CAMK1D: variants seen among roughly 807,000 people sequenced by gnomAD.
CAMK1D encodes calcium/calmodulin dependent protein kinase ID, also known as calcium/calmodulin-dependent protein kinase type 1D.
A neutral mutation model predicts 47.7 loss-of-function variants in CAMK1D; 9 were observed. That is an observed-to-expected ratio of 0.19 (90% CI 0.11 to 0.33). The LOEUF is 0.33. Ranked by LOEUF, CAMK1D falls within the 10% of genes least tolerant of loss-of-function variation. The probability of loss-of-function intolerance (pLI) is 1.00; values close to 1 mark genes in which losing one functional copy is unlikely to be tolerated. For missense variants in CAMK1D, 291 were observed against 488.7 expected (o/e 0.60, Z 3.81); for synonymous variants, 184 against 184.9 (o/e 0.99, Z 0.04).
rs977832335 is a variant in CAMK1D, at chr10:12,590,316, C to T, written c.224+36960C>T. Among the ~76,000 whole-genome samples, 4 of 152,160 alleles carry T rather than the reference C, an allele frequency of 2.6e-5. 1 individual carries two copies. Among genetic ancestry groups the T allele is most frequent in the African/African-American group, 9.7e-5 (4 of 41,438 alleles). On this transcript the variant is annotated intron_variant, in intron 2 of 10. Coordinates refer to ENST00000619168, the MANE Select transcript of CAMK1D (RefSeq NM_153498.4). ...CACTGCAGCCTCGACCTCCTGGGCT[C>T]AAGCGATCCTCCTACCTCAGCCTTC...
intron 1 of CAMK1D, among the ~76,000 whole-genome samples, chr10:12,490,110 T>C (rs1834338265): frequency 6.6e-6 from 1 of 152,138 alleles, no homozygotes. Context: ...GGGGAAGGTT[T>C]TCCTGGGTGC....
Position 12,462,156 on chromosome 10 carries a change from GTTTTTTTTT to G in CAMK1D, c.93-91050_93-91042del, listed in dbSNP as rs57336292. Among the ~76,000 whole-genome samples the G allele has an allele frequency of 3.4e-3, 272 of 79,646 alleles. 2 individuals are homozygous for G. Among genetic ancestry groups the G allele is most frequent in the African/African-American group, 0.013 (250 of 19,874 alleles). 52.3% of individuals were successfully genotyped at this position (79,646 alleles called of 152,430 possible). ...AATTTGAATTTCTGGCCTATGAAGA[GTTTTTTTTT>G]TTTTTTTTTTTTTTTTTTAGGCAGA... On this transcript the variant is annotated intron_variant, in intron 1 of 10. Coordinates refer to ENST00000619168, the MANE Select transcript of CAMK1D (RefSeq NM_153498.4).
chr10:12,808,535 T>C (rs1232689934), intron 6 of CAMK1D, among the ~76,000 whole-genome samples: 2 of 152,182 alleles, frequency 1.3e-5, no homozygotes, highest in Non-Finnish European at 2.9e-5. Context: ...AGCAGCACTT[T>C]GGGAGGCCGA....
intron 1 of CAMK1D, among the ~76,000 whole-genome samples, chr10:12,383,267 T>G (rs1188610659): frequency 6.6e-6 from 1 of 152,216 alleles, no homozygotes; most frequent in Non-Finnish European, 1.5e-5. Context: ...TCCAATTTTT[T>G]TTTTTGTTGT....
rs1330065739 is a variant in CAMK1D at position 12,375,858 on chromosome 10, A to G, written c.92+25948A>G. On this transcript the variant is annotated intron_variant, in intron 1 of 10. Coordinates refer to ENST00000619168, the MANE Select transcript of CAMK1D (RefSeq NM_153498.4). ...TTTAGGACTTTTGGTCCGTATGCCG[A>G]TTTCTCTAAAACCAGAGCATGCAGC... is the stretch of plus-strand genomic sequence containing the variant. Among the ~76,000 whole-genome samples the G allele has an allele frequency of 5.3e-5, 8 of 151,906 alleles. No individual in the cohort carries two copies. In the East Asian group the frequency reaches 1.5e-3, roughly 29 times the overall value.
chr10:12,401,194 T>A (rs867893724), intron 1 of CAMK1D, among the ~76,000 whole-genome samples: 11 of 38,014 alleles, frequency 2.9e-4, no homozygotes, highest in African/African-American at 1.1e-3. Flanking sequence ...TATATATATT[T>A]TATATATATA....
intron 1 of CAMK1D, among the ~76,000 whole-genome samples, chr10:12,530,562 G>GA (rs1485530559): frequency 1.3e-5 from 2 of 152,178 alleles, no homozygotes; most frequent in African/African-American, 4.8e-5. Context: ...AACCAATGGA[G>GA]AAGTACGAAA....
intron 2 of CAMK1D, among the ~76,000 whole-genome samples, chr10:12,563,410 T>C (rs1837007839): frequency 6.6e-6 from 1 of 152,230 alleles, no homozygotes; most frequent in Admixed American, 6.5e-5. Flanking sequence ...TCTTCTATTC[T>C]GGCTCTCAAT....
chr10:12,511,265 C>A (rs1215456563), intron 1 of CAMK1D, among the ~76,000 whole-genome samples: 2 of 152,072 alleles, frequency 1.3e-5, no homozygotes, highest in Admixed American at 6.5e-5. Flanking sequence ...CAGAGGTTTT[C>A]AACTGTGGCA....
chr10:12,643,360 C>A (rs983288695), intron 2 of CAMK1D, among the ~76,000 whole-genome samples: 6 of 152,168 alleles, frequency 3.9e-5, no homozygotes, highest in African/African-American at 1.4e-4. Flanking sequence ...CAGGGGTCCC[C>A]AACCCCAGAT....
intron 5 of CAMK1D, among the ~76,000 whole-genome samples, chr10:12,784,475 G>A (rs976562109): frequency 1.3e-5 from 2 of 152,122 alleles, no homozygotes; most frequent in African/African-American, 2.4e-5. Flanking sequence ...TGGGATTACA[G>A]GCGTGAGCCA....
intron 6 of CAMK1D, among the ~76,000 whole-genome samples, chr10:12,805,193 A>G (rs1838670929): frequency 1.3e-5 from 2 of 151,080 alleles, no homozygotes; most frequent in African/African-American, 4.9e-5. Flanking sequence ...CAGGAGGTAG[A>G]GGTTGCAGTG....
chr10:12,512,251 G>A (rs1484606685), intron 1 of CAMK1D, among the ~76,000 whole-genome samples: 2 of 152,274 alleles, frequency 1.3e-5, no homozygotes, highest in East Asian at 3.9e-4. Flanking sequence ...GGAATAAACG[G>A]AGCTGTGCTT....
At chr10:12,707,131 C>T (rs1329232259) in intron 3 of CAMK1D, among the ~76,000 whole-genome samples, 1 of 152,168 alleles carries the variant, frequency 6.6e-6, no homozygotes, top group African/African-American at 2.4e-5. Flanking sequence ...CAGGACATAG[C>T]CTGGAATTTG....
At position 12,410,996 on chromosome 10, in the gene CAMK1D, G is replaced by C. The variant is rs3013021; in HGVS notation, c.92+61086G>C. ...GATGTTTCTAGAGAGTGCATGGTTA[G>C]CCTACACTCTTCCTGTCTTCACAGA... On this transcript the variant is annotated intron_variant, in intron 1 of 10. Transcript: ENST00000619168. Among the ~76,000 whole-genome samples, 729 of 152,246 alleles carry C rather than the reference G, an allele frequency of 4.8e-3. 8 individuals are homozygous for C. Among genetic ancestry groups the C allele is most frequent in the African/African-American group, 0.017 (692 of 41,512 alleles).
At chr10:12,388,678 A>C (rs1280960099) in intron 1 of CAMK1D, among the ~76,000 whole-genome samples, 1 of 152,190 alleles carries the variant, frequency 6.6e-6, no homozygotes, top group East Asian at 1.9e-4. Context: ...ATAAATTGTT[A>C]AAAATGCCTA....
chr10:12,658,486 C>A (rs1324922589), intron 2 of CAMK1D, among the ~76,000 whole-genome samples: 1 of 152,008 alleles, frequency 6.6e-6, no homozygotes, highest in Non-Finnish European at 1.5e-5. Context: ...AGTGCTCCAC[C>A]CCCAGGCCTA....
intron 1 of CAMK1D, among the ~76,000 whole-genome samples, chr10:12,398,682 A>G (rs113805368): frequency 0.011 from 1,740 of 152,306 alleles, 30 homozygotes; most frequent in African/African-American, 0.039. Context: ...TGTGATGATG[A>G]TTCTACATTT....
intron 2 of CAMK1D, among the ~76,000 whole-genome samples, chr10:12,634,977 C>G (rs1839473340): frequency 6.6e-6 from 1 of 152,132 alleles, no homozygotes; most frequent in South Asian, 2.1e-4. Context: ...TTGGCAGATG[C>G]CATATACTGT....
Sources: allele counts gnomAD v4.1 joint callset (sites outside exome capture counted in the v4.1 genomes callset), GRCh38; gene constraint gnomAD v4.1.1; transcripts MANE v1.5; gene names NCBI Gene and HGNC (gene_info 2026-07-23, HGNC 2026-07-21).